Variants in VWA3B observed in about 807,000 individuals in gnomAD.
VWA3B encodes von Willebrand factor A domain-containing protein 3B.
VWA3B carries 138 observed loss-of-function variants against 158.3 expected under a neutral mutation model. That is an observed-to-expected ratio of 0.87 (90% confidence interval 0.76 to 1.00). The LOEUF is 1.00. Among genes scored for constraint, VWA3B ranks in the 50% least tolerant of loss-of-function variants. VWA3B has a pLI of 0.00. For synonymous variants in VWA3B, 596 were observed against 587.3 expected (o/e 1.01, Z -0.21); for missense variants, 1,555 against 1,565.1 (o/e 0.99, Z 0.11).
the VWA3B span, among the ~76,000 whole-genome samples, chr2:98,328,729 A>T: frequency 1.1e-4 from 17 of 152,340 alleles, no homozygotes; most frequent in East Asian, 3.1e-3. Context: ...TTGGGGGGAA[A>T]AGATCAACAT....
chr2:98,110,440 G>T (rs6733249), intron 2 of VWA3B, among the ~76,000 whole-genome samples: 39,485 of 151,944 alleles, frequency 0.26, 5,746 homozygotes, highest in African/African-American at 0.41. Flanking sequence ...CATTAAGTAT[G>T]TTTATGGTTG....
intron 6 of VWA3B, among the ~76,000 whole-genome samples, chr2:98,130,813 G>A (rs575059058): frequency 6.6e-5 from 10 of 152,314 alleles, no homozygotes; most frequent in African/African-American, 2.4e-4. Context: ...GTAACAATCT[G>A]ATCTCTCTTT....
rs1313925669 is a variant in VWA3B, at chr2:98,181,051, C to G, written c.1150C>G (p.Pro384Ala). 1.2e-6 allele frequency: 2 copies of G among 1,614,176 alleles called. No homozygotes were observed. The highest frequency in any genetic ancestry group is 2.2e-5 in the South Asian group (2 of 91,076). ...ETTSVEIASN[P>A]EDTWDSKTWL... is the part of the protein sequence containing the mutation. Reference sequence around the variant, plus strand: ...AACCTCTGTTGAGATTGCATCGAATCCAGAAGACACCTGGGACTCTAAGAC... The same window carrying G: ...AACCTCTGTTGAGATTGCATCGAATGCAGAAGACACCTGGGACTCTAAGAC... The change falls in exon 9 of 28, where the codon CCA becomes GCA. Residue 384 changes from proline (P) to alanine (A), a missense_variant. Pro to Ala is a conservative substitution (Grantham distance 27). Transcript: ENST00000477737.
intron 22 of VWA3B, among the ~76,000 whole-genome samples, chr2:98,273,129 T>G (rs1227087764): frequency 6.6e-6 from 1 of 152,214 alleles, no homozygotes; most frequent in African/African-American, 2.4e-5. Context: ...CCTAGATAAT[T>G]TTCAGATGTT....
chr2:98,241,084 G>A (rs1043094813), intron 19 of VWA3B, among the ~76,000 whole-genome samples: 24 of 152,128 alleles, frequency 1.6e-4, no homozygotes, highest in African/African-American at 5.8e-4. Flanking sequence ...GAGTGAAGAT[G>A]CAGGAGATGT....
intron 22 of VWA3B, among the ~76,000 whole-genome samples, chr2:98,275,903 C>T (rs1157031132): frequency 6.6e-6 from 1 of 152,126 alleles, no homozygotes; most frequent in African/African-American, 2.4e-5. Flanking sequence ...CTTTTTCTTC[C>T]AGATCTTCAC....
At chr2:98,167,456 CA>C (rs1291292831) in intron 8 of VWA3B, among the ~76,000 whole-genome samples, 4 of 152,040 alleles carry the variant, frequency 2.6e-5, no homozygotes, top group African/African-American at 9.7e-5. Context: ...CATACAGGGC[CA>C]AAGAAAGGTG....
chr2:98,091,596 A>G (rs1249013430), intron 1 of VWA3B, among the ~76,000 whole-genome samples: 1 of 152,186 alleles, frequency 6.6e-6, no homozygotes, highest in African/African-American at 2.4e-5. Flanking sequence ...TCATGAGGTT[A>G]TAAGGATTAA....
At chr2:98,127,365 TG>T (rs1197643365) in intron 5 of VWA3B, among the ~76,000 whole-genome samples, 1 of 152,044 alleles carries the variant, frequency 6.6e-6, no homozygotes, top group East Asian at 1.9e-4. Flanking sequence ...TTGCCTGAGG[TG>T]ACAGAGCTCC....
intron 12 of VWA3B, chr2:98,207,049 C>T (rs1683080792): frequency 8.0e-6 from 4 of 502,404 alleles, no homozygotes; most frequent in African/African-American, 2.0e-5. Context: ...TCAAGATGTA[C>T]TCCTGTTTAT....
chr2:98,195,418 T>A (rs1681959045), intron 12 of VWA3B, among the ~76,000 whole-genome samples: 1 of 152,240 alleles, frequency 6.6e-6, no homozygotes, highest in South Asian at 2.1e-4. Flanking sequence ...CCTTGTGACT[T>A]GTTTTTAAAA....
intron 13 of VWA3B, among the ~76,000 whole-genome samples, chr2:98,215,416 G>A (rs532231224): frequency 2.7e-5 from 4 of 150,186 alleles, no homozygotes; most frequent in East Asian, 2.0e-4. Flanking sequence ...ACTCTAGCCC[G>A]GGCGACAGAG....
intron 16 of VWA3B, among the ~76,000 whole-genome samples, chr2:98,232,758 AT>A (rs986616950): frequency 6.6e-6 from 1 of 151,906 alleles, no homozygotes; most frequent in African/African-American, 2.4e-5. Flanking sequence ...GCTCTGTGGT[AT>A]TGTTAATATT....
At chr2:98,195,730 T>A (rs1681987543) in intron 12 of VWA3B, among the ~76,000 whole-genome samples, 1 of 152,156 alleles carries the variant, frequency 6.6e-6, no homozygotes, top group East Asian at 1.9e-4. Flanking sequence ...TATATAAAAA[T>A]CACTAATGAA....
intron 21 of VWA3B, among the ~76,000 whole-genome samples, chr2:98,266,416 G>T: frequency 6.6e-6 from 1 of 151,680 alleles, no homozygotes. Flanking sequence ...TCTCTGTTTT[G>T]GTACGAGTAC....
chr2:98,146,382 A>T (rs1481766545), intron 7 of VWA3B, among the ~76,000 whole-genome samples: 3 of 152,240 alleles, frequency 2.0e-5, no homozygotes, highest in Non-Finnish European at 2.9e-5. Context: ...GGGCTAAGAT[A>T]GCCATCTATG....
intron 14 of VWA3B, among the ~76,000 whole-genome samples, chr2:98,220,279 C>G (rs1282123627): frequency 6.6e-6 from 1 of 151,516 alleles, no homozygotes; most frequent in Non-Finnish European, 1.5e-5. Flanking sequence ...AAAACCTTAC[C>G]AGATAGAAAT....
At chr2:98,264,234 T>C (rs1340557699) in intron 21 of VWA3B, among the ~76,000 whole-genome samples, 1 of 152,024 alleles carries the variant, frequency 6.6e-6, no homozygotes, top group Admixed American at 6.6e-5. Flanking sequence ...ATACTCTATT[T>C]CTAATCTTTA....
chr2:98,143,996 C>A (rs943193861), intron 7 of VWA3B, among the ~76,000 whole-genome samples: 2 of 151,870 alleles, frequency 1.3e-5, no homozygotes, highest in Admixed American at 6.6e-5. Flanking sequence ...CAAGCAATCC[C>A]CCCACCTTGG....
Sources: allele counts gnomAD v4.1 joint callset (sites outside exome capture counted in the v4.1 genomes callset), GRCh38; gene constraint gnomAD v4.1.1; transcripts MANE v1.5; gene names NCBI Gene and HGNC (gene_info 2026-07-23, HGNC 2026-07-21).